Variants in TENM2 observed in about 807,000 individuals in gnomAD.
The protein encoded by TENM2 is teneurin-2.
Under a neutral mutation model 245.2 loss-of-function variants are expected in TENM2, and 52 were observed. The ratio of observed to expected loss-of-function variants is 0.21; its 90% CI spans 0.17 to 0.27. The LOEUF (loss-of-function observed/expected upper bound fraction) is 0.27, where lower values mean the gene tolerates loss of function less well. TENM2 is among the 10% of genes least tolerant of loss of function. TENM2 has a pLI of 1.00. For synonymous variants in TENM2, 1,363 were observed against 1,438.9 expected (o/e 0.95, Z 1.19); for missense variants, 3,046 against 3,666.8 (o/e 0.83, Z 4.37).
the TENM2 span, among the ~76,000 whole-genome samples, chr5:167,233,705 T>C: frequency 7.2e-5 from 11 of 152,160 alleles, no homozygotes; most frequent in African/African-American, 2.4e-4. Flanking sequence ...CCCCTAAGTA[T>C]AAAAGCCATT....
At chr5:167,474,604 C>T (rs969912104) in intron 2 of TENM2, among the ~76,000 whole-genome samples, 2 of 151,912 alleles carry the variant, frequency 1.3e-5, no homozygotes, top group Non-Finnish European at 2.9e-5. Flanking sequence ...ACCTCTGCCT[C>T]ATGGGTTCAG....
intron 4 of TENM2, among the ~76,000 whole-genome samples, chr5:167,958,675 T>A (rs1780751415): frequency 6.6e-6 from 1 of 152,200 alleles, no homozygotes; most frequent in South Asian, 2.1e-4. Context: ...GCAGGCCTGG[T>A]GGTGACAAAA....
the TENM2 span, among the ~76,000 whole-genome samples, chr5:167,118,117 CTATTCATAGT>C: frequency 6.6e-6 from 1 of 152,170 alleles, no homozygotes; most frequent in African/African-American, 2.4e-5. Context: ...TTTATCAAGA[CTATTCATAGT>C]TATTCATAGT....
At chr5:167,015,744 G>C in the TENM2 span, among the ~76,000 whole-genome samples, 3 of 152,068 alleles carry the variant, frequency 2.0e-5, no homozygotes, top group East Asian at 5.8e-4. Flanking sequence ...GGTAAATCAA[G>C]TTATGTTCTA....
the TENM2 span, among the ~76,000 whole-genome samples, chr5:166,979,297 G>A: frequency 6.6e-6 from 1 of 151,916 alleles, no homozygotes; most frequent in Non-Finnish European, 1.5e-5. Context: ...AGCGAGCACC[G>A]TTTGGGGAGT....
At chr5:167,278,769 T>C in the TENM2 span, among the ~76,000 whole-genome samples, 1 of 152,190 alleles carries the variant, frequency 6.6e-6, no homozygotes, top group East Asian at 1.9e-4. Context: ...ACGTTTAGAA[T>C]CATATCCCAG....
chr5:167,533,247 G>A (rs2127595158), intron 2 of TENM2, among the ~76,000 whole-genome samples: 1 of 152,240 alleles, frequency 6.6e-6, no homozygotes, highest in East Asian at 1.9e-4. Flanking sequence ...GGATTCGGGT[G>A]AGGAAATGGA....
intron 1 of TENM2, among the ~76,000 whole-genome samples, chr5:167,298,035 G>A (rs1282752390): frequency 6.6e-6 from 1 of 152,086 alleles, no homozygotes; most frequent in Non-Finnish European, 1.5e-5. Flanking sequence ...GGGCTCAGAG[G>A]CCTGACATTC....
intron 2 of TENM2, among the ~76,000 whole-genome samples, chr5:167,495,515 C>T (rs992913245): frequency 6.6e-6 from 1 of 152,004 alleles, no homozygotes; most frequent in African/African-American, 2.4e-5. Flanking sequence ...CTGGATTTTG[C>T]AAATTCTAGC....
intron 7 of TENM2, among the ~76,000 whole-genome samples, chr5:168,084,224 T>C (rs2152214607): frequency 6.6e-6 from 1 of 152,318 alleles, no homozygotes; most frequent in South Asian, 2.1e-4. Flanking sequence ...AACATATGAG[T>C]GCATGTGTCA....
At chr5:168,248,257 C>T in exon 27 of TENM2, 1 of 1,614,016 alleles carries the variant, frequency 6.2e-7, no homozygotes, top group Non-Finnish European at 8.5e-7. Context: ...ATGGACCTCC[C>T]CAGACTATAC....
intron 5 of TENM2, among the ~76,000 whole-genome samples, chr5:168,032,329 T>C (rs1478385752): frequency 6.6e-6 from 1 of 152,208 alleles, no homozygotes; most frequent in Admixed American, 6.5e-5. Context: ...AAAATTGCCT[T>C]GAGAGTTTGC....
intron 7 of TENM2, among the ~76,000 whole-genome samples, chr5:168,077,364 T>C (rs2152162014): frequency 6.6e-6 from 1 of 152,258 alleles, no homozygotes; most frequent in South Asian, 2.1e-4. Context: ...GTACCCACTA[T>C]GGGCCAAGCA....
the TENM2 span, among the ~76,000 whole-genome samples, chr5:167,072,549 A>G: frequency 2.3e-4 from 35 of 152,376 alleles, no homozygotes; most frequent in Non-Finnish European, 4.6e-4. Context: ...GCAGACATGT[A>G]CTGGAGGAGT....
In TENM2 at chr5:168,229,537, A is replaced by T. The variant is rs11134495; in HGVS notation, c.5520+1407A>T. 8 of 75,602 alleles carry T rather than the reference A, an allele frequency of 1.1e-4. No homozygotes were observed. The African/African-American group carries it at 3.1e-3, about 29-fold the overall frequency. The allele number at this position is 75,602 out of a possible 1,614,324, so 4.7% of individuals were successfully genotyped here. Reference sequence around the variant, plus strand: ...TCATAAGTAAAAACTAATAAATAAAAATAAATAAATAACTGCAGAACAAGA... The same window carrying T: ...TCATAAGTAAAAACTAATAAATAAATATAAATAAATAACTGCAGAACAAGA... On this transcript the variant is annotated intron_variant, in intron 25 of 28. Transcript: ENST00000518659.
intron 25 of TENM2, chr5:168,230,781 A>T (rs1422328161): frequency 1.3e-5 from 2 of 152,238 alleles, no homozygotes; most frequent in African/African-American, 4.8e-5. Context: ...AGATAAAGAA[A>T]ACTGGGTGGC....
At chr5:168,162,711 C>T (rs1313040343) in exon 13 of TENM2, 4 of 1,614,018 alleles carry the variant, frequency 2.5e-6, no homozygotes, top group Middle Eastern at 1.7e-4. Context: ...CCGGATGCAA[C>T]GTTGCCATGG....
intron 2 of TENM2, among the ~76,000 whole-genome samples, chr5:167,572,559 A>T (rs1774342327): frequency 6.6e-6 from 1 of 152,190 alleles, no homozygotes; most frequent in African/African-American, 2.4e-5. Context: ...CATGAAAGGT[A>T]AGCAGTCATT....
intron 2 of TENM2, among the ~76,000 whole-genome samples, chr5:167,861,517 C>T (rs1771803682): frequency 6.6e-6 from 1 of 152,156 alleles, no homozygotes; most frequent in Non-Finnish European, 1.5e-5. Context: ...GCATCTGGGC[C>T]CGGGTGCCCG....
Sources: gnomAD v4.1 joint callset for allele counts (sites outside exome capture counted in the v4.1 genomes callset) on GRCh38, gnomAD v4.1.1 for gene constraint, MANE v1.5 for transcripts, NCBI Gene and HGNC (gene_info 2026-07-23, HGNC 2026-07-21) for gene names.